The following DEPDC4 variants were observed in gnomAD, a reference collection of about 807,000 sequenced individuals.
DEPDC4 encodes the protein DEP domain-containing protein 4.
In DEPDC4, 52 loss-of-function variants were observed where a neutral mutation model predicts 52.0. The observed-to-expected ratio is 1.00, with a 90% CI of 0.80 to 1.26. DEPDC4 has a LOEUF of 1.26. DEPDC4 is among the 50% of genes most tolerant of loss of function. The probability of loss-of-function intolerance (pLI) is 0.00; values close to 1 mark genes in which losing one functional copy is unlikely to be tolerated. For synonymous variants in DEPDC4, 201 were observed against 196.8 expected (o/e 1.02, Z -0.18); for missense variants, 530 against 546.9 (o/e 0.97, Z 0.31).
intron 8 of DEPDC4, among the ~76,000 whole-genome samples, 153 bp downstream of exon 8, chr12:100,248,747 C>A (rs571914652): frequency 6.6e-6 from 1 of 152,308 alleles, no homozygotes; most frequent in East Asian, 1.9e-4. Context: ...TAGAGAAGAA[C>A]TTGCCCTGGA....
At chr12:100,270,461 G>A (rs1348312440), upstream of DEPDC4, among the ~76,000 whole-genome samples, 1 of 151,954 alleles carries the variant, frequency 6.6e-6, no homozygotes, top group Admixed American at 6.6e-5. Context: ...ATAATTTCAA[G>A]AATCTGATTA....
chr12:100,264,663 A>G (rs1213607685), intron 1 of DEPDC4, among the ~76,000 whole-genome samples: 2 of 151,866 alleles, frequency 1.3e-5, no homozygotes, highest in Admixed American at 6.6e-5. Flanking sequence ...TTGGTGACAG[A>G]GCAAGACTCT....
the DEPDC4 span, among the ~76,000 whole-genome samples, chr12:100,273,982 G>A: frequency 2.6e-5 from 4 of 152,138 alleles, no homozygotes; most frequent in Admixed American, 6.5e-5. Context: ...TCACCTTCCC[G>A]TCAAAATCAA....
rs1417585127 is a variant in DEPDC4 at position 100,253,727 on chromosome 12, A to G, written c.879-12T>C. On this transcript the variant is annotated splice_polypyrimidine_tract_variant and intron_variant, in intron 4 of 9. Transcript: ENST00000550587. ...GCCAGTTATCGATTCTAGAGGGAAA[A>G]TGCAAACCAAAATAAAGCAATGGTT... 1 of 1,257,256 alleles carries G rather than the reference A, an allele frequency of 8.0e-7. No homozygotes were observed. The highest frequency in any genetic ancestry group is 1.5e-5 in the African/African-American group (1 of 65,200). The allele number at this position is 1,257,256 out of a possible 1,614,324, so 77.9% of individuals were successfully genotyped here.
chr12:100,247,212 T>TTG (rs1162315201), intron 8 of DEPDC4, among the ~76,000 whole-genome samples: 1 of 135,308 alleles, frequency 7.4e-6, no homozygotes, highest in Non-Finnish European at 1.6e-5. Context: ...TTTTTTTTTT[T>TTG]TTTTTTTTTT....
chr12:100,269,158 A>G (rs570283663), upstream of DEPDC4, among the ~76,000 whole-genome samples: 1 of 152,278 alleles, frequency 6.6e-6, no homozygotes, highest in Non-Finnish European at 1.5e-5. Flanking sequence ...AATCGAACAC[A>G]TTAACATGCC....
chr12:100,256,545 A>G (rs1028146945), intron 3 of DEPDC4, among the ~76,000 whole-genome samples: 1 of 152,088 alleles, frequency 6.6e-6, no homozygotes, highest in African/African-American at 2.4e-5. Context: ...CTTATATTAC[A>G]CATCTGAGAG....
intron 2 of DEPDC4, 46 bp from the exon 3 acceptor site, chr12:100,262,455 A>G: frequency 7.1e-7 from 1 of 1,411,244 alleles, no homozygotes; most frequent in Non-Finnish European, 9.4e-7. Context: ...CACAGAACCA[A>G]AATTTCAAAT....
chr12:100,260,125 A>AT lies in DEPDC4; in HGVS notation c.700+2138dup, dbSNP rs35598451. 4.5e-3 allele frequency among the ~76,000 whole-genome samples: 660 copies of AT among 147,538 alleles called. 1 individual carries two copies. Among genetic ancestry groups the AT allele is most frequent in the Admixed American group, 9.6e-3 (142 of 14,734 alleles). ...AATTATTCTTATTATTACCTATAGA[A>AT]TTTTTTTTTTTTGAGACAGAGTTTC... On this transcript the variant is annotated intron_variant, in intron 3 of 9. Transcript: ENST00000550587.
chr12:100,251,039 A>G (rs2096205473), intron 7 of DEPDC4, among the ~76,000 whole-genome samples: 1 of 152,190 alleles, frequency 6.6e-6, no homozygotes, highest in East Asian at 1.9e-4. Context: ...TGGAAAAAAA[A>G]GTTCAGTTAA....
chr12:100,248,834 C>A (rs1485020927), intron 8 of DEPDC4, 66 bp downstream of exon 8: 19 of 672,192 alleles, frequency 2.8e-5, no homozygotes, highest in Non-Finnish European at 3.5e-5. Context: ...ATCTTTGATG[C>A]CTTCCCAACT....
chr12:100,250,695 AAGAGGAG>A (rs922109097), intron 7 of DEPDC4, among the ~76,000 whole-genome samples: 21 of 152,166 alleles, frequency 1.4e-4, no homozygotes, highest in African/African-American at 5.1e-4. Context: ...AGTAGTACAG[AAGAGGAG>A]AGAGGAGAGA....
chr12:100,244,305 C>T (rs1247988172), intron 8 of DEPDC4, among the ~76,000 whole-genome samples: 2 of 151,004 alleles, frequency 1.3e-5, no homozygotes, highest in East Asian at 3.9e-4. Context: ...CTCAGCCCCC[C>T]GAGTGGCTGG....
chr12:100,264,173 T>C (rs950338957), intron 1 of DEPDC4, among the ~76,000 whole-genome samples: 2 of 152,248 alleles, frequency 1.3e-5, no homozygotes, highest in Non-Finnish European at 2.9e-5. Flanking sequence ...CTACTAGTTA[T>C]ACCGAATCTT....
Position 100,256,207 on chromosome 12 carries a change from T to A in DEPDC4, c.720A>T (p.Thr240=). ...GAATCAATTGAAGAAGACATAATAA[T>A]GTTTGTTCTTTCCAAACATCTTGAA... ...LSKEDVWKEQ[T]LLCLLQLIHL... The change falls in exon 4 of 10, where the codon ACA becomes ACT. Residue 240 remains threonine (T), a synonymous_variant. Coordinates refer to ENST00000550587, the MANE Select transcript of DEPDC4 (RefSeq NM_001364818.2). The A allele has an allele frequency of 1.2e-6, 2 of 1,611,010 alleles. No homozygotes were observed. Among genetic ancestry groups the A allele is most frequent in the Non-Finnish European group, 1.7e-6 (2 of 1,178,306 alleles).
chr12:100,268,722 A>G (rs980088269), upstream of DEPDC4, among the ~76,000 whole-genome samples: 2 of 151,964 alleles, frequency 1.3e-5, no homozygotes, highest in Admixed American at 6.6e-5. Flanking sequence ...GGGAATAACT[A>G]CTCATATTCA....
chr12:100,247,929 TAAAGAAA>T (rs1452169633), intron 8 of DEPDC4, among the ~76,000 whole-genome samples: 1 of 152,006 alleles, frequency 6.6e-6, no homozygotes, highest in African/African-American at 2.4e-5. Context: ...AACATCTTTT[TAAAGAAA>T]AAAAATCACC....
chr12:100,267,164 C>T (rs1472421582), upstream of DEPDC4: 2 of 1,440,426 alleles, frequency 1.4e-6, no homozygotes, highest in Non-Finnish European at 9.4e-7. Flanking sequence ...TGCCCCCGGC[C>T]GGCAGGTCTT....
At chr12:100,267,194 C>T (rs957356346), upstream of DEPDC4, 3 of 1,131,794 alleles carry the variant, frequency 2.7e-6, no homozygotes, top group East Asian at 2.5e-5. Flanking sequence ...TTCCCCCTCC[C>T]TTACTCTTCG....
Sources: allele counts gnomAD v4.1 joint callset (sites outside exome capture counted in the v4.1 genomes callset), GRCh38; gene constraint gnomAD v4.1.1; transcripts MANE v1.5; gene names NCBI Gene and HGNC (gene_info 2026-07-23, HGNC 2026-07-21).